PATJ: variants seen among roughly 807,000 people sequenced by gnomAD.
PATJ encodes the protein PATJ crumbs cell polarity complex component.
Under a neutral mutation model 224.9 loss-of-function variants are expected in PATJ, and 190 were observed. The ratio of observed to expected loss-of-function variants is 0.84; its 90% CI spans 0.75 to 0.95. PATJ has a LOEUF of 0.95. Ranked by LOEUF, PATJ falls within the 40% of genes least tolerant of loss-of-function variation. The pLI is 0.00. For synonymous variants in PATJ, 769 were observed against 820.3 expected, an observed-to-expected ratio of 0.94 and a Z score of 1.07; for missense variants, 2,121 against 2,270.3, an observed-to-expected ratio of 0.93 and a Z score of 1.34.
chr1:61,822,923 A>C, intron 14 of PATJ, 22 bp from the exon 15 acceptor site: 1 of 1,613,696 alleles, frequency 6.2e-7, no homozygotes, highest in Non-Finnish European at 8.5e-7. Context: ...ATGTTTGATC[A>C]TTGCTTTGTG....
intron 25 of PATJ, among the ~76,000 whole-genome samples, chr1:61,913,178 G>A (rs1672942211): frequency 6.6e-6 from 1 of 151,828 alleles, no homozygotes; most frequent in Non-Finnish European, 1.5e-5. Flanking sequence ...TTATCTCCAG[G>A]CAGGCAGTCT....
At chr1:61,886,411 T>A (rs965999778) in intron 22 of PATJ, among the ~76,000 whole-genome samples, 9 of 152,184 alleles carry the variant, frequency 5.9e-5, no homozygotes, top group African/African-American at 1.9e-4. Flanking sequence ...GCCACATGGA[T>A]GCCCTTGGTA....
At chr1:61,750,397 G>A (rs1163697130) in intron 1 of PATJ, among the ~76,000 whole-genome samples, 2 of 150,940 alleles carry the variant, frequency 1.3e-5, no homozygotes, top group Admixed American at 1.3e-4. Flanking sequence ...TGGTGGGCAG[G>A]GCTTCTGCCT....
intron 11 of PATJ, 133 bp downstream of exon 11, chr1:61,797,561 G>C (rs1651601718): frequency 1.4e-6 from 1 of 724,066 alleles, no homozygotes; most frequent in African/African-American, 1.7e-5. Flanking sequence ...GGAGAAATGA[G>C]TCAGCTCATT....
chr1:61,950,923 G>A (rs1679565643), intron 27 of PATJ, among the ~76,000 whole-genome samples: 1 of 152,152 alleles, frequency 6.6e-6, no homozygotes, highest in Non-Finnish European at 1.5e-5. Flanking sequence ...CAGGCGGGCG[G>A]ATCACCTGAG....
At chr1:61,919,276 C>A (rs1386797339) in intron 26 of PATJ, among the ~76,000 whole-genome samples, 1 of 151,372 alleles carries the variant, frequency 6.6e-6, no homozygotes, top group Non-Finnish European at 1.5e-5. Context: ...TCTTTCTTGT[C>A]TAAAATAATC....
chr1:62,128,354 A>G (rs1665937890), intron 40 of PATJ: 1 of 387,010 alleles, frequency 2.6e-6, no homozygotes, highest in Admixed American at 4.1e-5. Flanking sequence ...TACCCTTTTA[A>G]GCACCTCATT....
chr1:61,817,374 T>C (rs924860455), intron 14 of PATJ, among the ~76,000 whole-genome samples: 1 of 152,210 alleles, frequency 6.6e-6, no homozygotes, highest in Admixed American at 6.5e-5. Context: ...AATTAAAATT[T>C]TGGAGGGGAC....
chr1:62,125,036 G>A (rs1229065700), intron 39 of PATJ, among the ~76,000 whole-genome samples: 1 of 151,878 alleles, frequency 6.6e-6, no homozygotes, highest in East Asian at 1.9e-4. Flanking sequence ...GACCAGCCTG[G>A]GCAACATGGG....
chr1:61,906,072 C>T (rs887748142), intron 24 of PATJ, among the ~76,000 whole-genome samples: 1 of 152,170 alleles, frequency 6.6e-6, no homozygotes, highest in African/African-American at 2.4e-5. Flanking sequence ...AACCAGGGTT[C>T]CCACATCCCT....
At chr1:62,094,128 C>T (rs949009385) in intron 33 of PATJ, among the ~76,000 whole-genome samples, 4 of 152,116 alleles carry the variant, frequency 2.6e-5, no homozygotes, top group Non-Finnish European at 5.9e-5. Flanking sequence ...GGCACAGTGG[C>T]TTATGCCTGT....
chr1:62,113,945 T>C (rs1160085774), intron 34 of PATJ, 108 bp from the exon 35 acceptor site: 1 of 1,134,000 alleles, frequency 8.8e-7, no homozygotes, highest in Non-Finnish European at 1.3e-6. Context: ...TGAGATTGGC[T>C]GGAAATTTCT....
In PATJ at chr1:61,827,557, A is replaced by C. The variant is rs781298623; in HGVS notation, c.1954A>C (p.Thr652Pro). The C allele has an allele frequency of 7.4e-6, 12 of 1,613,830 alleles. No homozygotes were observed. Among genetic ancestry groups the C allele is most frequent in the African/African-American group, 1.3e-5 (1 of 74,880 alleles). ...DEASVDEPRR[T>P]ETSLPETEVD... Reference sequence around the variant, plus strand: ...AGCTTCTGTAGATGAACCAAGGCGCACTGAAACCTCTCTTCCTGAGACAGA... The same window carrying C: ...AGCTTCTGTAGATGAACCAAGGCGCCCTGAAACCTCTCTTCCTGAGACAGA... Residue 652 changes from threonine to proline, a missense_variant, in exon 16 of 44, where the codon ACT (threonine) becomes CCT (proline). By Grantham distance (38) the Thr-to-Pro change is conservative (BLOSUM62 -1). Coordinates refer to ENST00000642238, the MANE Select transcript of PATJ (RefSeq NM_001350145.3).
At chr1:61,852,516 A>G (rs911859089) in intron 17 of PATJ, 5 of 151,926 alleles carry the variant, frequency 3.3e-5, no homozygotes, top group African/African-American at 1.2e-4. Context: ...CATTGGCAGC[A>G]CATGTACTAA....
chr1:61,957,639 C>G (rs926140381), intron 27 of PATJ, among the ~76,000 whole-genome samples: 1 of 152,114 alleles, frequency 6.6e-6, no homozygotes, highest in South Asian at 2.1e-4. Flanking sequence ...GACCCGTGAA[C>G]CTTTGGTGCA....
chr1:61,784,480 T>C (rs1393653085), intron 7 of PATJ, among the ~76,000 whole-genome samples: 1 of 152,226 alleles, frequency 6.6e-6, no homozygotes, highest in Non-Finnish European at 1.5e-5. Context: ...CACCTGCTTT[T>C]CTGTAGCAAG....
intron 7 of PATJ, among the ~76,000 whole-genome samples, chr1:61,777,703 C>CTTTCTTTTT (rs1415203243): frequency 8.2e-5 from 4 of 48,744 alleles, no homozygotes; most frequent in Admixed American, 3.6e-4. Context: ...TTCTTTCTTT[C>CTTTCTTTTT]TTTTTTTTTT....
chr1:61,921,192 A>T (rs1029262384), intron 26 of PATJ, among the ~76,000 whole-genome samples: 5 of 152,130 alleles, frequency 3.3e-5, no homozygotes, highest in African/African-American at 1.2e-4. Context: ...CCATGGGACA[A>T]CTTTAATTAC....
intron 26 of PATJ, among the ~76,000 whole-genome samples, chr1:61,924,251 C>T (rs1029046999): frequency 6.6e-6 from 1 of 151,958 alleles, no homozygotes; most frequent in Non-Finnish European, 1.5e-5. Flanking sequence ...GCTTGTAATC[C>T]CAGCTACTTG....
Sources: gnomAD v4.1 joint callset for allele counts (sites outside exome capture counted in the v4.1 genomes callset) on GRCh38, gnomAD v4.1.1 for gene constraint, MANE v1.5 for transcripts, NCBI Gene and HGNC (gene_info 2026-07-23, HGNC 2026-07-21) for gene names.